The following CEP57L1 variants were observed in gnomAD, a reference collection of about 807,000 sequenced individuals.
The protein encoded by CEP57L1 is centrosomal protein CEP57L1.
Under a neutral mutation model 61.0 loss-of-function variants are expected in CEP57L1, and 37 were observed. That is an observed-to-expected ratio of 0.61 (90% confidence interval 0.47 to 0.80). CEP57L1 has a LOEUF of 0.80. Among genes scored for constraint, CEP57L1 ranks in the 30% least tolerant of loss-of-function variants. The pLI is 0.00. For synonymous variants in CEP57L1, 137 were observed against 162.3 expected (o/e 0.84, Z 1.19); for missense variants, 422 against 524.7 (o/e 0.80, Z 1.91).
At chr6:109,103,569 G>T (rs190430653) in intron 1 of CEP57L1, among the ~76,000 whole-genome samples, 2 of 152,038 alleles carry the variant, frequency 1.3e-5, no homozygotes, top group African/African-American at 2.4e-5. Context: ...CCATCTTTCA[G>T]GAATAAATGA....
intron 1 of CEP57L1, among the ~76,000 whole-genome samples, chr6:109,116,968 A>G (rs1772378439): frequency 6.6e-6 from 1 of 152,220 alleles, no homozygotes; most frequent in African/African-American, 2.4e-5. Flanking sequence ...CAAGCATGGT[A>G]CAGTCCTAAC....
At chr6:109,117,440 T>C (rs116139441) in intron 1 of CEP57L1, among the ~76,000 whole-genome samples, 2,582 of 152,306 alleles carry the variant, frequency 0.017, 88 homozygotes, top group African/African-American at 0.059. Context: ...CTGTCTTAGC[T>C]AGGGCTTGTC....
rs1774295209 is a variant in CEP57L1 at position 109,169,259 on chromosome 6, A to C, written c.*6289A>C. Reference sequence around the variant, plus strand: ...AAAAAAAAAAAAAAGATCAGAGTGCATCACACATAATTAAGGTAGCTTATG... The same window carrying C: ...AAAAAAAAAAAAAAGATCAGAGTGCCTCACACATAATTAAGGTAGCTTATG... On this transcript the variant is annotated 3_prime_UTR_variant, in exon 11 of 11. Coordinates refer to ENST00000517392, the MANE Select transcript of CEP57L1 (RefSeq NM_001271852.3). 6.6e-6 allele frequency among the ~76,000 whole-genome samples: 1 copy of C among 150,712 alleles called. No individual in the cohort carries two copies. Among genetic ancestry groups the C allele is most frequent in the Non-Finnish European group, 1.5e-5 (1 of 67,636 alleles).
At chr6:109,119,730 G>A (rs1249197359) in intron 1 of CEP57L1, among the ~76,000 whole-genome samples, 1 of 152,158 alleles carries the variant, frequency 6.6e-6, no homozygotes, top group African/African-American at 2.4e-5. Context: ...GCCTGGAGAA[G>A]GCATTAGGTG....
Position 109,099,698 on chromosome 6 carries a change from C to T in CEP57L1, c.-4+4123C>T, listed in dbSNP as rs571393461. 4.6e-4 allele frequency among the ~76,000 whole-genome samples: 70 copies of T among 152,150 alleles called. 1 individual carries two copies. In the East Asian group the frequency reaches 0.012, roughly 27 times the overall value. ...CTGAGTAGCTGGGACTACAGACACC[C>T]GCCACCATGCCCGGCTAATTTTTGT... On this transcript the variant is annotated intron_variant, in intron 1 of 10. Coordinates refer to ENST00000517392, the MANE Select transcript of CEP57L1 (RefSeq NM_001271852.3).
At chr6:109,145,159 A>T in intron 1 of CEP57L1, 60 bp from the exon 2 acceptor site, 2 of 1,049,410 alleles carry the variant, frequency 1.9e-6, no homozygotes, top group Non-Finnish European at 1.3e-6. Context: ...ATTTTTGTAT[A>T]ATGCATTTAC....
intron 1 of CEP57L1, chr6:109,129,336 A>G (rs753753997): frequency 2.7e-4 from 319 of 1,168,074 alleles, no homozygotes; most frequent in Non-Finnish European, 2.9e-4. Flanking sequence ...CTTGGATATA[A>G]TAATATAGAC....
rs895564252 is a variant in CEP57L1, at chr6:109,170,622, T to A, written c.*7652T>A. Among the ~76,000 whole-genome samples the A allele has an allele frequency of 1.3e-5, 2 of 152,224 alleles. No individual in the cohort carries two copies. Among genetic ancestry groups the A allele is most frequent in the African/African-American group, 4.8e-5 (2 of 41,454 alleles). ...CCGTTTAACTTTACAAATGTGTTAT[T>A]TAAAACATAAACCATTTTGGTGCAC... On this transcript the variant is annotated 3_prime_UTR_variant, in exon 11 of 11. Coordinates refer to ENST00000517392, the MANE Select transcript of CEP57L1 (RefSeq NM_001271852.3).
chr6:109,112,985 T>A lies in CEP57L1; in HGVS notation c.-4+17410T>A, dbSNP rs1291197512. ...GTGGTGCTGAGAGGAATGTATATTCTGTTGATTTGGGGTGGAGAGTTCTGT... is the reference window on the plus strand; with the variant it reads ...GTGGTGCTGAGAGGAATGTATATTCAGTTGATTTGGGGTGGAGAGTTCTGT... On this transcript the variant is annotated intron_variant, in intron 1 of 10. Coordinates refer to ENST00000517392, the MANE Select transcript of CEP57L1 (RefSeq NM_001271852.3). Among the ~76,000 whole-genome samples, 3 of 152,186 alleles carry A rather than the reference T, an allele frequency of 2.0e-5. No individual in the cohort carries two copies. In the South Asian group the frequency reaches 6.2e-4, roughly 32 times the overall value.
chr6:109,140,127 C>T (rs1411995430), intron 1 of CEP57L1, among the ~76,000 whole-genome samples: 1 of 152,094 alleles, frequency 6.6e-6, no homozygotes, highest in Non-Finnish European at 1.5e-5. Context: ...GAGTCTCACT[C>T]TGTCACCCAG....
At chr6:109,144,075 G>T (rs991938639) in intron 1 of CEP57L1, among the ~76,000 whole-genome samples, 1 of 152,062 alleles carries the variant, frequency 6.6e-6, no homozygotes, top group African/African-American at 2.4e-5. Context: ...AGCAAAATAT[G>T]GTTACCTTGC....
At chr6:109,153,576 G>C (rs1475239594) in intron 4 of CEP57L1, among the ~76,000 whole-genome samples, 3 of 151,142 alleles carry the variant, frequency 2.0e-5, no homozygotes, top group African/African-American at 7.3e-5. Context: ...CTCCTTAAAA[G>C]TGTTTGATTT....
chr6:109,168,103 C>T lies in CEP57L1; in HGVS notation c.*5133C>T, dbSNP rs1429002400. ...TCGATAAAGTGCTTAAGAAGTTGGC[C>T]TGTTTGTAATTTCTTCATTTTCTAT... On this transcript the variant is annotated 3_prime_UTR_variant, in exon 11 of 11. Coordinates refer to ENST00000517392, the MANE Select transcript of CEP57L1 (RefSeq NM_001271852.3). Among the ~76,000 whole-genome samples the T allele has an allele frequency of 1.3e-5, 2 of 152,172 alleles. No homozygotes were observed. Among genetic ancestry groups the T allele is most frequent in the African/African-American group, 2.4e-5 (1 of 41,434 alleles).
chr6:109,125,640 GGGAGGATTGCATGA>G (rs1773474424), intron 1 of CEP57L1, among the ~76,000 whole-genome samples: 1 of 151,518 alleles, frequency 6.6e-6, no homozygotes, highest in Non-Finnish European at 1.5e-5. Context: ...AGGCTGAGGT[GGGAGGATTGCATGA>G]GCCTAGGAGT....
intron 1 of CEP57L1, among the ~76,000 whole-genome samples, chr6:109,144,248 G>C (rs1771727214): frequency 6.6e-6 from 1 of 152,092 alleles, no homozygotes; most frequent in Non-Finnish European, 1.5e-5. Context: ...TACTATCCTG[G>C]GAAGTGCCTG....
At chr6:109,101,623 CTTTT>C (rs1175348573) in intron 1 of CEP57L1, among the ~76,000 whole-genome samples, 1 of 139,922 alleles carries the variant, frequency 7.1e-6, no homozygotes. Flanking sequence ...TTTCTTTTTT[CTTTT>C]TTTTTTTTTT....
intron 1 of CEP57L1, among the ~76,000 whole-genome samples, chr6:109,099,635 C>T (rs905000446): frequency 6.6e-6 from 1 of 151,980 alleles, no homozygotes; most frequent in Non-Finnish European, 1.5e-5. Context: ...TTGCAAGCTC[C>T]GCCTCCCAGG....
At position 109,163,964 on chromosome 6, in the gene CEP57L1, C is replaced by T. The variant is rs988017244; in HGVS notation, c.*994C>T. On this transcript the variant is annotated 3_prime_UTR_variant, in exon 11 of 11. Transcript: ENST00000517392. ...TGAACTCTTGGTTTCTCACTCAAAT[C>T]CTCTGAGGCAACTGGGGAACTAGAG... 2.0e-5 allele frequency: 3 copies of T among 152,082 alleles called. No individual in the cohort carries two copies. Among genetic ancestry groups the T allele is most frequent in the Non-Finnish European group, 4.4e-5 (3 of 68,028 alleles). The allele number at this position is 152,082 out of a possible 1,614,324, so 9.4% of individuals were successfully genotyped here.
chr6:109,123,119 C>G (rs997830414), intron 1 of CEP57L1, among the ~76,000 whole-genome samples: 2 of 152,112 alleles, frequency 1.3e-5, no homozygotes, highest in Non-Finnish European at 2.9e-5. Flanking sequence ...GATTGAAGGA[C>G]CACACTTAGA....
Sources: gnomAD v4.1 joint callset for allele counts (sites outside exome capture counted in the v4.1 genomes callset) on GRCh38, gnomAD v4.1.1 for gene constraint, MANE v1.5 for transcripts, NCBI Gene and HGNC (gene_info 2026-07-23, HGNC 2026-07-21) for gene names.